Variants in MGAT4C observed in about 807,000 individuals in gnomAD.
MGAT4C encodes alpha-1,3-mannosyl-glycoprotein 4-beta-N-acetylglucosaminyltransferase C.
MGAT4C carries 19 observed loss-of-function variants against 40.1 expected under a neutral mutation model. The observed-to-expected ratio is 0.47, with a 90% CI of 0.33 to 0.70. The LOEUF (loss-of-function observed/expected upper bound fraction) is 0.70, where lower values mean the gene tolerates loss of function less well. Ranked by LOEUF, MGAT4C falls within the 30% of genes least tolerant of loss-of-function variation. The pLI is 0.02. For missense variants in MGAT4C, 491 were observed against 563.2 expected (o/e 0.87, Z 1.30); for synonymous variants, 181 against 187.1 (o/e 0.97, Z 0.27).
intron 3 of MGAT4C, among the ~76,000 whole-genome samples, chr12:86,401,278 G>GTA (rs1423045895): frequency 3.2e-5 from 4 of 124,444 alleles, no homozygotes; most frequent in Non-Finnish European, 5.2e-5. Flanking sequence ...GTGTGTGTGT[G>GTA]TGTATGTGGG....
intron 2 of MGAT4C, among the ~76,000 whole-genome samples, chr12:86,046,687 C>T (rs577643105): frequency 1.2e-4 from 18 of 152,222 alleles, no homozygotes; most frequent in Admixed American, 7.2e-4. Flanking sequence ...AAGCAACTTT[C>T]GAGAACAACT....
chr12:86,323,360 T>A (rs1040191441), intron 4 of MGAT4C, among the ~76,000 whole-genome samples: 6 of 151,706 alleles, frequency 4.0e-5, no homozygotes, highest in African/African-American at 9.7e-5. Context: ...CAACTTGCTT[T>A]TTGTATCAGT....
intron 1 of MGAT4C, among the ~76,000 whole-genome samples, chr12:86,786,976 C>G (rs1448801859): frequency 6.6e-6 from 1 of 152,076 alleles, no homozygotes; most frequent in African/African-American, 2.4e-5. Context: ...CAATTGTAAG[C>G]TTCAGGCCCA....
At chr12:86,811,177 A>T (rs1457544070) in intron 1 of MGAT4C, among the ~76,000 whole-genome samples, 2 of 151,266 alleles carry the variant, frequency 1.3e-5, no homozygotes, top group Non-Finnish European at 3.0e-5. Flanking sequence ...CTAGTGAAAC[A>T]ATTTTAGATT....
intron 2 of MGAT4C, among the ~76,000 whole-genome samples, chr12:86,524,912 C>T (rs1958855401): frequency 6.6e-6 from 1 of 152,184 alleles, no homozygotes. Flanking sequence ...TCAGCTCTAT[C>T]AGATCAGTTA....
rs1961687092 is a variant in MGAT4C at position 86,599,604 on chromosome 12, G to A, written c.-229+127605C>T. The A allele has an allele frequency of 2.6e-5, 4 of 152,236 alleles. No homozygotes were observed. The South Asian group carries it at 8.3e-4, about 32-fold the overall frequency. The allele number at this position is 152,236 out of a possible 1,614,324, so 9.4% of individuals were successfully genotyped here. On this transcript the variant is annotated intron_variant, in intron 2 of 7. Coordinates refer to the MGAT4C transcript ENST00000548651. ...TTGTTATAGTGCTTTACAGTCTAAA[G>A]TATCACATATCTGAGCTCACAGCAG...
intron 1 of MGAT4C, among the ~76,000 whole-genome samples, chr12:86,163,859 C>T (rs1219829756): frequency 6.6e-6 from 1 of 152,126 alleles, no homozygotes; most frequent in Non-Finnish European, 1.5e-5. Flanking sequence ...TATTAGGAAA[C>T]TTAATTCATC....
At chr12:86,789,509 A>C (rs1951987819) in intron 1 of MGAT4C, among the ~76,000 whole-genome samples, 1 of 152,126 alleles carries the variant, frequency 6.6e-6, no homozygotes. Context: ...ATGAATTGTC[A>C]GTACCTAACT....
intron 3 of MGAT4C, among the ~76,000 whole-genome samples, chr12:86,404,875 T>C (rs1956434260): frequency 6.6e-6 from 1 of 152,090 alleles, no homozygotes; most frequent in African/African-American, 2.4e-5. Flanking sequence ...CAAATTTAAT[T>C]CAGTTACAAA....
chr12:86,170,765 C>T (rs904750592), intron 1 of MGAT4C, among the ~76,000 whole-genome samples: 1 of 150,186 alleles, frequency 6.7e-6, no homozygotes, highest in Non-Finnish European at 1.5e-5. Flanking sequence ...CCAGCCTGGG[C>T]AACAAGGCAA....
At chr12:86,000,324 T>C (rs1887160936) in intron 2 of MGAT4C, among the ~76,000 whole-genome samples, 1 of 152,074 alleles carries the variant, frequency 6.6e-6, no homozygotes, top group South Asian at 2.1e-4. Flanking sequence ...ATAAAATATA[T>C]ATTCCTCTAG....
intron 1 of MGAT4C, among the ~76,000 whole-genome samples, chr12:86,190,039 G>T (rs1333702151): frequency 6.6e-6 from 1 of 152,026 alleles, no homozygotes; most frequent in Non-Finnish European, 1.5e-5. Flanking sequence ...AATTTTGGTT[G>T]TGAAGGACAT....
At chr12:86,293,039 T>C (rs1442219304) in intron 4 of MGAT4C, among the ~76,000 whole-genome samples, 1 of 152,136 alleles carries the variant, frequency 6.6e-6, no homozygotes, top group African/African-American at 2.4e-5. Flanking sequence ...AAAGAGAATA[T>C]TCTAAAATGT....
At chr12:86,163,820 TATCA>T (rs771445343) in intron 1 of MGAT4C, among the ~76,000 whole-genome samples, 23 of 152,222 alleles carry the variant, frequency 1.5e-4, no homozygotes, top group Non-Finnish European at 2.5e-4. Context: ...AATTTTCATC[TATCA>T]ATCAATTTAT....
chr12:86,679,896 A>G (rs1178915381), intron 2 of MGAT4C, among the ~76,000 whole-genome samples: 2 of 152,092 alleles, frequency 1.3e-5, no homozygotes, highest in African/African-American at 2.4e-5. Flanking sequence ...TGGATCTGCC[A>G]TATAAAGAGA....
intron 2 of MGAT4C, among the ~76,000 whole-genome samples, chr12:86,679,587 GA>G (rs1949942825): frequency 6.6e-6 from 1 of 152,014 alleles, no homozygotes; most frequent in African/African-American, 2.4e-5. Context: ...ATAATATTAG[GA>G]GGTGGGGCCA....
rs1461503769 is a variant in MGAT4C, at chr12:85,976,706, T to C, written c.*2583A>G. The C allele has an allele frequency of 1.4e-5, 2 of 147,260 alleles. No individual in the cohort carries two copies. Among genetic ancestry groups the C allele is most frequent in the Non-Finnish European group, 3.0e-5 (2 of 66,484 alleles). 9.1% of individuals were successfully genotyped at this position (147,260 alleles called of 1,614,324 possible). A position where few individuals can be genotyped will look rare whatever the true frequency, so the allele number is the denominator to read the frequency against. ...TATATATGTATTATATATGTATATA[T>C]ATATAAACTTACAGCAAAAATGTTT... On this transcript the variant is annotated 3_prime_UTR_variant, in exon 5 of 5. Coordinates refer to ENST00000611864, the MANE Select transcript of MGAT4C (RefSeq NM_001351288.2).
intron 2 of MGAT4C, among the ~76,000 whole-genome samples, chr12:86,665,277 C>T (rs1416708271): frequency 6.6e-6 from 1 of 152,148 alleles, no homozygotes; most frequent in Non-Finnish European, 1.5e-5. Flanking sequence ...AAAAGCAGTC[C>T]TTTTCTTCTC....
intron 1 of MGAT4C, among the ~76,000 whole-genome samples, chr12:86,173,960 A>G (rs1887121912): frequency 6.6e-6 from 1 of 151,972 alleles, no homozygotes; most frequent in Admixed American, 6.6e-5. Flanking sequence ...AACATTTAAT[A>G]CTGTCATTCT....
Sources: gnomAD v4.1 joint callset for allele counts (sites outside exome capture counted in the v4.1 genomes callset) on GRCh38, gnomAD v4.1.1 for gene constraint, MANE v1.5 for transcripts, NCBI Gene and HGNC (gene_info 2026-07-23, HGNC 2026-07-21) for gene names.